Variants in GARS1 observed in about 807,000 individuals in gnomAD.
GARS1 encodes the protein glycine--tRNA ligase.
In GARS1, 46 loss-of-function variants were observed where a neutral mutation model predicts 86.4. The ratio of observed to expected loss-of-function variants is 0.53; its 90% CI spans 0.42 to 0.68. The LOEUF (loss-of-function observed/expected upper bound fraction) is 0.68, where lower values mean the gene tolerates loss of function less well. GARS1 is among the 30% of genes least tolerant of loss of function. The probability of loss-of-function intolerance (pLI) is 0.00; values close to 1 mark genes in which losing one functional copy is unlikely to be tolerated. For missense variants in GARS1, 797 were observed against 915.6 expected (o/e 0.87, Z 1.67); for synonymous variants, 342 against 329.8 (o/e 1.04, Z -0.40).
intron 12 of GARS1, 110 bp downstream of exon 12, chr7:30,622,572 A>G (rs1204064694): frequency 8.0e-7 from 1 of 1,256,680 alleles, no homozygotes; most frequent in East Asian, 2.3e-5. Context: ...TAAGTACTGT[A>G]TCTTGGCTGC....
intron 8 of GARS1, among the ~76,000 whole-genome samples, chr7:30,615,124 A>G (rs1782864996): frequency 6.6e-6 from 1 of 152,224 alleles, no homozygotes; most frequent in African/African-American, 2.4e-5. Flanking sequence ...TGTGCACTTC[A>G]TCGTTAGGTA....
chr7:30,630,632 T>C (rs538021531), intron 14 of GARS1, among the ~76,000 whole-genome samples: 3 of 149,320 alleles, frequency 2.0e-5, no homozygotes, highest in South Asian at 4.4e-4. Context: ...TGCTTCAGCC[T>C]CCCAAGTAGC....
At chr7:30,628,500 A>G (rs1267967146) in intron 13 of GARS1, 60 bp from the exon 14 acceptor site, 4 of 1,249,628 alleles carry the variant, frequency 3.2e-6, no homozygotes, top group Non-Finnish European at 4.7e-6. Flanking sequence ...TTTAGAGAGA[A>G]TCTGAAATGC....
At chr7:30,608,075 C>G (rs528278273) in intron 6 of GARS1, among the ~76,000 whole-genome samples, 20 of 152,154 alleles carry the variant, frequency 1.3e-4, no homozygotes, top group Admixed American at 5.9e-4. Context: ...TTTTACATAA[C>G]CAGTTGTCCA....
In GARS1 at chr7:30,597,735, C is replaced by T. The variant is rs555051900; in HGVS notation, c.223-1061C>T. ...TAAAAGAAGTACTCAAAAACATGAG[C>T]AAAGAACAAGAGACTACCAAAAACA... On this transcript the variant is annotated intron_variant, in intron 1 of 16. Transcript: ENST00000389266. Among the ~76,000 whole-genome samples the T allele has an allele frequency of 3.3e-5, 5 of 152,202 alleles. No individual in the cohort carries two copies. The South Asian group carries it at 1.0e-3, about 32-fold the overall frequency.
chr7:30,611,643 CCTGG>C (rs1562775929), intron 7 of GARS1, among the ~76,000 whole-genome samples: 2 of 152,114 alleles, frequency 1.3e-5, no homozygotes, highest in Non-Finnish European at 2.9e-5. Context: ...TGCCACCACG[CCTGG>C]CTAATTTTGT....
At chr7:30,595,657 A>G (rs1299851565) in intron 1 of GARS1, among the ~76,000 whole-genome samples, 1 of 152,128 alleles carries the variant, frequency 6.6e-6, no homozygotes, top group African/African-American at 2.4e-5. Flanking sequence ...GGATGCTTTG[A>G]TAGTGTTTCC....
intron 12 of GARS1, 39 bp downstream of exon 12, chr7:30,622,501 C>T: frequency 1.2e-6 from 2 of 1,611,194 alleles, no homozygotes; most frequent in Non-Finnish European, 1.7e-6. Context: ...GGGCTCCAGT[C>T]AGTTGTGTCA....
rs542525402 is a variant in GARS1 at position 30,598,965 on chromosome 7, A to G, written c.324+68A>G. ...GATTGTTCATCTTTAATTTCTTTGGATGGGAGAGACCTAGAAAAGTTTCTG... is the reference window on the plus strand; with the variant it reads ...GATTGTTCATCTTTAATTTCTTTGGGTGGGAGAGACCTAGAAAAGTTTCTG... On this transcript the variant is annotated intron_variant, in intron 2 of 16. Transcript: ENST00000389266. 2.9e-5 allele frequency: 36 copies of G among 1,253,996 alleles called. No individual in the cohort carries two copies. In the Admixed American group the frequency reaches 3.4e-4, roughly 12 times the overall value. The allele number at this position is 1,253,996 out of a possible 1,614,324, so 77.7% of individuals were successfully genotyped here.
chr7:30,613,522 C>T (rs1465738653), intron 8 of GARS1, among the ~76,000 whole-genome samples: 2 of 152,130 alleles, frequency 1.3e-5, no homozygotes, highest in Non-Finnish European at 2.9e-5. Flanking sequence ...AGGGTTTACA[C>T]AGAGTAGCTA....
chr7:30,603,714 C>T, intron 6 of GARS1, 142 bp downstream of exon 6: 1 of 682,432 alleles, frequency 1.5e-6, no homozygotes. Context: ...TGTATAGCGT[C>T]TCTTTTTTTG....
intron 14 of GARS1, among the ~76,000 whole-genome samples, chr7:30,629,147 A>G (rs1234938461): frequency 6.6e-6 from 1 of 152,156 alleles, no homozygotes; most frequent in Admixed American, 6.5e-5. Context: ...TACTCTGGAG[A>G]TGCTGATTCA....
chr7:30,610,876 A>T (rs541808102), intron 7 of GARS1, among the ~76,000 whole-genome samples: 1 of 152,380 alleles, frequency 6.6e-6, no homozygotes, highest in South Asian at 2.1e-4. Flanking sequence ...AGAAAATGGG[A>T]AGTATAAAAT....
At chr7:30,615,304 G>A (rs1422458639) in intron 8 of GARS1, among the ~76,000 whole-genome samples, 2 of 152,196 alleles carry the variant, frequency 1.3e-5, no homozygotes, top group Non-Finnish European at 2.9e-5. Context: ...GAAAGCTAAA[G>A]AACCATTTCA....
Position 30,632,078 on chromosome 7 carries a change from C to G in GARS1, c.1904-169C>G, listed in dbSNP as rs1330872990. The G allele has an allele frequency of 4.4e-6, 3 of 687,186 alleles. No homozygotes were observed. The highest frequency in any genetic ancestry group is 7.6e-6 in the Non-Finnish European group (3 of 395,808). The allele number at this position is 687,186 out of a possible 1,614,324, so 42.6% of individuals were successfully genotyped here. ...GTATGAGTGAAGATTTGGATTCCCGCAAGGGATTTATTAAACTTTAGGGAT... is the reference window on the plus strand; with the variant it reads ...GTATGAGTGAAGATTTGGATTCCCGGAAGGGATTTATTAAACTTTAGGGAT... On this transcript the variant is annotated intron_variant, in intron 15 of 16. Coordinates refer to ENST00000389266, the MANE Select transcript of GARS1 (RefSeq NM_002047.4). This position sits in a 1 kb window ranked among gnomAD's most constrained non-coding sequence, Gnocchi z 4.1.
intron 1 of GARS1, among the ~76,000 whole-genome samples, chr7:30,597,966 G>T (rs933846591): frequency 6.6e-6 from 1 of 152,176 alleles, no homozygotes; most frequent in East Asian, 1.9e-4. Context: ...AGTATAAGTT[G>T]TTGGAAGTTA....
intron 14 of GARS1, 78 bp from the exon 15 acceptor site, chr7:30,631,370 C>A: frequency 9.0e-7 from 1 of 1,106,520 alleles, no homozygotes; most frequent in Non-Finnish European, 1.4e-6. Flanking sequence ...GAATATTAAC[C>A]TCTTTTGGTT....
At position 30,598,781 on chromosome 7, in the gene GARS1, C is replaced by A. The variant is rs371564065; in HGVS notation, c.223-15C>A. ...CTGAAACCAATCCTGAATATAAATT[C>A]TCTTTCTTGGCTAGGGAGATCTTGT... On this transcript the variant is annotated splice_polypyrimidine_tract_variant and intron_variant, in intron 1 of 16. Coordinates refer to ENST00000389266, the MANE Select transcript of GARS1 (RefSeq NM_002047.4). 5.6e-6 allele frequency: 9 copies of A among 1,598,242 alleles called. No homozygotes were observed. The African/African-American group carries it at 6.7e-5, about 12-fold the overall frequency.
At chr7:30,595,269 T>C (rs554181658) in intron 1 of GARS1, 126 bp downstream of exon 1, 1 of 938,094 alleles carries the variant, frequency 1.1e-6, no homozygotes, top group East Asian at 2.6e-5. Context: ...CCCTTCATCC[T>C]CTGGCGTCTT....
Sources: gnomAD v4.1 joint callset for allele counts (sites outside exome capture counted in the v4.1 genomes callset) on GRCh38, gnomAD v4.1.1 for gene constraint, Gnocchi (gnomAD v3.1) non-coding constraint, MANE v1.5 for transcripts, NCBI Gene and HGNC (gene_info 2026-07-23, HGNC 2026-07-21) for gene names.